Variants in SPEN observed in about 807,000 individuals in gnomAD.
SPEN encodes spen family transcriptional repressor, also known as msx2-interacting protein.
In SPEN, 18 loss-of-function variants were observed where a neutral mutation model predicts 269.9. The ratio of observed to expected loss-of-function variants is 0.07; its 90% CI spans 0.05 to 0.10. The LOEUF is 0.10. Among genes scored for constraint, SPEN ranks in the 10% least tolerant of loss-of-function variants. The probability of loss-of-function intolerance (pLI) is 1.00; values close to 1 mark genes in which losing one functional copy is unlikely to be tolerated. For missense variants in SPEN, 3,822 were observed against 4,631.2 expected, an observed-to-expected ratio of 0.83 and a Z score of 5.07; for synonymous variants, 1,726 against 1,765.7, an observed-to-expected ratio of 0.98 and a Z score of 0.56.
chr1:15,887,276 ATTTTTTTT>A (rs34435171), intron 3 of SPEN, among the ~76,000 whole-genome samples: 1 of 82,318 alleles, frequency 1.2e-5, no homozygotes, highest in Admixed American at 1.7e-4. Flanking sequence ...CCTGGCCTGA[ATTTTTTTT>A]TTTTTTTTTT....
In SPEN at chr1:15,936,184, A is replaced by AC. The variant is rs755758948; in HGVS notation, c.9950dup (p.Ala3318GlyfsTer30). On this transcript the variant is annotated frameshift_variant, in exon 11 of 15. Coordinates refer to ENST00000375759, the MANE Select transcript of SPEN (RefSeq NM_015001.3). LOFTEE classifies it high-confidence loss of function. ...CGGTACGGCGACATCCGCACCTACC[A>AC]CCCCCCGGCCCAGCTCACACACACT... 2 of 1,588,762 alleles carry AC rather than the reference A, an allele frequency of 1.3e-6. No homozygotes were observed. Among genetic ancestry groups the AC allele is most frequent in the Non-Finnish European group, 8.6e-7 (1 of 1,164,102 alleles).
At chr1:15,936,672 C>T (rs914694705) in intron 11 of SPEN, among the ~76,000 whole-genome samples, 7 of 149,284 alleles carry the variant, frequency 4.7e-5, no homozygotes, top group African/African-American at 1.7e-4. Flanking sequence ...CATAGTGGCT[C>T]ACGCCTGTAA....
At chr1:15,892,107 G>A (rs971862610) in intron 3 of SPEN, among the ~76,000 whole-genome samples, 1 of 133,762 alleles carries the variant, frequency 7.5e-6, no homozygotes, top group Admixed American at 8.7e-5. Context: ...TGTAAGCTCC[G>A]CCTCCCCGGT....
At chr1:15,852,380 A>T (rs1371272995) in intron 1 of SPEN, among the ~76,000 whole-genome samples, 1 of 152,226 alleles carries the variant, frequency 6.6e-6, no homozygotes, top group Non-Finnish European at 1.5e-5. Flanking sequence ...ACATTTTAAA[A>T]ATAAAACAAA....
At chr1:15,919,556 C>A in intron 8 of SPEN, 39 bp downstream of exon 8, 1 of 1,288,286 alleles carries the variant, frequency 7.8e-7, no homozygotes, top group African/African-American at 1.5e-5. Context: ...AGACTTCTGA[C>A]TCACTCGTCT....
chr1:15,938,442 T>TG (rs2071300769), intron 13 of SPEN: 4 of 349,274 alleles, frequency 1.1e-5, no homozygotes, highest in Middle Eastern at 1.6e-3. Context: ...AAGTGAGCAA[T>TG]GAAGGGTCCA....
At chr1:15,854,485 G>GC (rs2070366238) in intron 1 of SPEN, among the ~76,000 whole-genome samples, 1 of 151,338 alleles carries the variant, frequency 6.6e-6, no homozygotes, top group African/African-American at 2.4e-5. Context: ...AAAGCATGTA[G>GC]TTTTTTTTTG....
At chr1:15,888,543 C>T (rs913267431) in intron 3 of SPEN, among the ~76,000 whole-genome samples, 7 of 151,828 alleles carry the variant, frequency 4.6e-5, no homozygotes, top group South Asian at 2.1e-4. Context: ...AGGCTGGTCT[C>T]GAACTCCTGA....
chr1:15,885,895 T>C (rs2070732469), intron 3 of SPEN, among the ~76,000 whole-genome samples: 1 of 152,148 alleles, frequency 6.6e-6, no homozygotes, highest in South Asian at 2.1e-4. Context: ...TTGGCTCCTG[T>C]ATTGCTTGCA....
At chr1:15,893,809 T>G (rs1422444664) in intron 3 of SPEN, among the ~76,000 whole-genome samples, 1 of 152,078 alleles carries the variant, frequency 6.6e-6, no homozygotes, top group Non-Finnish European at 1.5e-5. Flanking sequence ...AGGCTAAGGC[T>G]TGAGGATCAC....
rs377759444 is a variant in SPEN, at chr1:15,921,515, A to G, written c.1749+532A>G. Among the ~76,000 whole-genome samples, 59 of 152,308 alleles carry G rather than the reference A, an allele frequency of 3.9e-4. 1 individual carries two copies. In the East Asian group the frequency reaches 8.7e-3, roughly 22 times the overall value. ...CAGATCCTTCCCTAAAAATCTTCTCATTCAAAGAAGTGTGCTTCTCAGTGT... is the reference window on the plus strand; with the variant it reads ...CAGATCCTTCCCTAAAAATCTTCTCGTTCAAAGAAGTGTGCTTCTCAGTGT... On this transcript the variant is annotated intron_variant, in intron 9 of 14. Transcript: ENST00000375759.
At chr1:15,878,733 G>A (rs1268414930) in intron 3 of SPEN, among the ~76,000 whole-genome samples, 7 of 152,130 alleles carry the variant, frequency 4.6e-5, no homozygotes, top group African/African-American at 1.7e-4. Context: ...GGCACTGGGC[G>A]TGTGGCTCAC....
chr1:15,861,247 T>G (rs1028219487), intron 1 of SPEN, among the ~76,000 whole-genome samples: 1 of 151,382 alleles, frequency 6.6e-6, no homozygotes, highest in Non-Finnish European at 1.5e-5. Flanking sequence ...TTCTCCCGCC[T>G]CAGCCTCCCA....
intron 2 of SPEN, chr1:15,873,961 T>A: frequency 8.4e-7 from 1 of 1,184,226 alleles, no homozygotes; most frequent in East Asian, 5.8e-5. Flanking sequence ...ATGGTGATGA[T>A]CAGTTGTGGA....
At chr1:15,877,227 T>C (rs1350581029) in intron 3 of SPEN, among the ~76,000 whole-genome samples, 1 of 152,182 alleles carries the variant, frequency 6.6e-6, no homozygotes, top group East Asian at 1.9e-4. Flanking sequence ...GTAACTTTAC[T>C]GTTCTGTAAA....
intron 3 of SPEN, among the ~76,000 whole-genome samples, chr1:15,887,430 C>G (rs968583095): frequency 2.6e-5 from 4 of 151,454 alleles, no homozygotes; most frequent in African/African-American, 9.7e-5. Flanking sequence ...CACAAGCGCC[C>G]GCCACCACGC....
At position 15,928,367 on chromosome 1, in the gene SPEN, T is replaced by C; in HGVS notation, c.2127T>C (p.Phe709=). 1 of 1,614,148 alleles carries C rather than the reference T, an allele frequency of 6.2e-7. No individual in the cohort carries two copies. ...AACGAGAAAGAGAACGTGAAAGATTTGAGTCTGACCGGGACAGAGACCATG... is the reference window on the plus strand; with the variant it reads ...AACGAGAAAGAGAACGTGAAAGATTCGAGTCTGACCGGGACAGAGACCATG... ...QRERERERER[F]ESDRDRDHER... Residue 709 remains phenylalanine (F), a synonymous_variant, in exon 11 of 15, where the codon TTT becomes TTC. Transcript: ENST00000375759. The surrounding 1 kb of genome is among the most constrained non-coding windows in gnomAD (Gnocchi z 5.7).
chr1:15,892,957 G>T (rs1415106156), intron 3 of SPEN, among the ~76,000 whole-genome samples: 1 of 152,072 alleles, frequency 6.6e-6, no homozygotes, highest in East Asian at 1.9e-4. Flanking sequence ...AATTAGCTGG[G>T]CGTGGTGGCA....
At chr1:15,936,367 G>A (rs180807715) in intron 11 of SPEN, 101 bp downstream of exon 11, 126 of 1,416,880 alleles carry the variant, frequency 8.9e-5, no homozygotes, top group Admixed American at 1.4e-4. Flanking sequence ...GGGGCCAGGT[G>A]TGGTGGCTTA....
Sources: gnomAD v4.1 joint callset for allele counts (sites outside exome capture counted in the v4.1 genomes callset) on GRCh38, gnomAD v4.1.1 for gene constraint, Gnocchi (gnomAD v3.1) non-coding constraint, MANE v1.5 for transcripts, NCBI Gene and HGNC (gene_info 2026-07-23, HGNC 2026-07-21) for gene names.